MOB4: variants seen among roughly 807,000 people sequenced by gnomAD.
MOB4 encodes the protein MOB-like protein phocein.
A neutral mutation model predicts 32.2 loss-of-function variants in MOB4; 4 were observed. That is an observed-to-expected ratio of 0.12 (90% CI 0.06 to 0.28). The LOEUF (loss-of-function observed/expected upper bound fraction) is 0.28. Ranked by LOEUF, MOB4 falls within the 10% of genes least tolerant of loss-of-function variation. The pLI is 1.00. For synonymous variants in MOB4, 88 were observed against 88.1 expected, an observed-to-expected ratio of 1.00 and a Z score of 0.01; for missense variants, 158 against 271.2, an observed-to-expected ratio of 0.58 and a Z score of 2.93.
intron 3 of MOB4, among the ~76,000 whole-genome samples, chr2:197,536,974 A>G (rs532852034): frequency 5.9e-5 from 9 of 151,948 alleles, no homozygotes; most frequent in African/African-American, 2.2e-4. Context: ...TCCTGGGCTC[A>G]AGTGATCCTC....
chr2:197,535,238 A>G (rs1034178603), intron 2 of MOB4, among the ~76,000 whole-genome samples: 11 of 143,008 alleles, frequency 7.7e-5, no homozygotes, highest in Non-Finnish European at 1.6e-4. Context: ...AAAAAAAAAA[A>G]AAAAGAAATT....
At chr2:197,539,609 C>T (rs1277700009) in intron 3 of MOB4, among the ~76,000 whole-genome samples, 3 of 152,078 alleles carry the variant, frequency 2.0e-5, no homozygotes, top group Admixed American at 6.6e-5. Context: ...TGAGCCACTG[C>T]GCCCTGCTGT....
upstream of MOB4, chr2:197,515,877 G>A (rs971800484): frequency 2.1e-5 from 12 of 562,996 alleles, no homozygotes; most frequent in South Asian, 4.3e-5. Context: ...GTCCCTGCCA[G>A]TAGCCACCCG....
chr2:197,535,891 TTTC>T (rs1276865164), intron 3 of MOB4, among the ~76,000 whole-genome samples: 2 of 151,380 alleles, frequency 1.3e-5, no homozygotes, highest in African/African-American at 4.9e-5. Context: ...CCTCTCTTCT[TTTC>T]TTTTCTTTTT....
At chr2:197,546,104 C>G (rs1023336333) in intron 5 of MOB4, among the ~76,000 whole-genome samples, 13 of 152,058 alleles carry the variant, frequency 8.5e-5, no homozygotes, top group African/African-American at 2.7e-4. Flanking sequence ...CACTCTTGCC[C>G]AGGCTGGAGT....
At chr2:197,542,720 A>G (rs1253802918) in intron 5 of MOB4, among the ~76,000 whole-genome samples, 1 of 152,258 alleles carries the variant, frequency 6.6e-6, no homozygotes. Flanking sequence ...AATATAATAC[A>G]TAAAAATTTG....
intron 1 of MOB4, among the ~76,000 whole-genome samples, chr2:197,522,316 T>C: frequency 6.8e-6 from 1 of 146,494 alleles, no homozygotes; most frequent in African/African-American, 2.5e-5. Context: ...TACCCATGGG[T>C]GATTACCTTT....
intron 2 of MOB4, among the ~76,000 whole-genome samples, chr2:197,534,666 C>T (rs1341159322): frequency 6.6e-6 from 1 of 152,182 alleles, no homozygotes; most frequent in Non-Finnish European, 1.5e-5. Flanking sequence ...CCTCAGCCTC[C>T]AGAGTAGCTG....
chr2:197,545,048 T>G (rs1346659898), intron 5 of MOB4, among the ~76,000 whole-genome samples: 1 of 152,230 alleles, frequency 6.6e-6, no homozygotes, highest in Non-Finnish European at 1.5e-5. Context: ...CACTCCTTGA[T>G]ATGTAGTTCC....
At chr2:197,527,160 C>T (rs765438536) in intron 2 of MOB4, among the ~76,000 whole-genome samples, 5 of 151,552 alleles carry the variant, frequency 3.3e-5, no homozygotes, top group Admixed American at 6.6e-5. Context: ...TCACCTTTTC[C>T]GTATCTGCAA....
chr2:197,535,428 T>C, intron 2 of MOB4, 102 bp from the exon 3 acceptor site: 1 of 1,102,496 alleles, frequency 9.1e-7, no homozygotes, highest in Non-Finnish European at 1.3e-6. Flanking sequence ...TAACCCAAGT[T>C]GAACCACAAG....
At chr2:197,517,653 C>T (rs1482020774) in intron 1 of MOB4, among the ~76,000 whole-genome samples, 1 of 150,974 alleles carries the variant, frequency 6.6e-6, no homozygotes, top group Non-Finnish European at 1.5e-5. Flanking sequence ...TTTTTTTTCA[C>T]ATTGTCATGG....
chr2:197,519,685 A>G (rs190653367), intron 1 of MOB4, among the ~76,000 whole-genome samples: 133 of 152,316 alleles, frequency 8.7e-4, no homozygotes, highest in Non-Finnish European at 1.6e-4. Context: ...CTCCCCTGAA[A>G]TGAATATTTT....
At chr2:197,535,363 A>G (rs13431353) in intron 2 of MOB4, among the ~76,000 whole-genome samples, 167 bp from the exon 3 acceptor site, 1 of 152,124 alleles carries the variant, frequency 6.6e-6, no homozygotes, top group African/African-American at 2.4e-5. Context: ...AGGGTAACCT[A>G]CTTTTTTTCT....
Position 197,552,366 on chromosome 2 carries a change from T to TATA in MOB4, c.*1721_*1723dup, listed in dbSNP as rs1371689379. On this transcript the variant is annotated 3_prime_UTR_variant, in exon 8 of 8. Coordinates refer to ENST00000323303, the MANE Select transcript of MOB4 (RefSeq NM_015387.5). The stretch of plus-strand genomic sequence containing the variant: ...ACTAAACTACTAAGTTAATAAATTA[T>TATA]ATATAGCAGTGTAGCTGTTCTCTCT... 1 of 152,368 alleles carries TATA rather than the reference T, an allele frequency of 6.6e-6. No individual in the cohort carries two copies. The highest frequency in any genetic ancestry group is 1.9e-4 in the East Asian group (1 of 5,340). The allele number at this position is 152,368 out of a possible 1,614,324, so 9.4% of individuals were successfully genotyped here.
intron 3 of MOB4, 115 bp downstream of exon 3, chr2:197,535,745 T>A: frequency 1.7e-6 from 2 of 1,209,928 alleles, no homozygotes; most frequent in Non-Finnish European, 2.3e-6. Flanking sequence ...AGCCAAATTT[T>A]AAAGCTTTGG....
chr2:197,535,740 A>T, intron 3 of MOB4, 110 bp downstream of exon 3: 1 of 1,254,046 alleles, frequency 8.0e-7, no homozygotes, highest in Non-Finnish European at 1.1e-6. Context: ...TAAGAAGCCA[A>T]ATTTTAAAGC....
chr2:197,533,060 C>T (rs542796010), intron 2 of MOB4, among the ~76,000 whole-genome samples: 62 of 152,176 alleles, frequency 4.1e-4, no homozygotes, highest in Non-Finnish European at 7.8e-4. Flanking sequence ...GATTGCGCCA[C>T]TACACTCCAG....
chr2:197,516,114 C>G lies in MOB4; in HGVS notation c.28C>G (p.Leu10Val), dbSNP rs748756034. 2.5e-6 allele frequency: 4 copies of G among 1,604,054 alleles called. No individual in the cohort carries two copies. The highest frequency in any genetic ancestry group is 1.1e-5 in the South Asian group (1 of 89,048). MVMAEGTAV[L>V]RRNRPGTKAQ... is the part of the protein sequence containing the mutation. ...GGTCATGGCGGAGGGGACGGCAGTG[C>G]TGAGGCGGAACAGGCCGGGCACCAA... Residue 10 changes from leucine to valine, a missense_variant, in exon 1 of 8, where the codon CTG (leucine) becomes GTG (valine). By Grantham distance (32) the Leu-to-Val change is conservative. Transcript: ENST00000323303.
Sources: allele counts gnomAD v4.1 joint callset (sites outside exome capture counted in the v4.1 genomes callset), GRCh38; gene constraint gnomAD v4.1.1; transcripts MANE v1.5; gene names NCBI Gene and HGNC (gene_info 2026-07-23, HGNC 2026-07-21).